Variants in EYS observed in about 807,000 individuals in gnomAD.
EYS encodes the protein protein eyes shut homolog.
In EYS, 250 loss-of-function variants were observed where a neutral mutation model predicts 282.1. The observed-to-expected ratio is 0.89, with a 90% CI of 0.80 to 0.98. EYS has a LOEUF of 0.98. EYS is among the 50% of genes least tolerant of loss of function. The pLI is 0.00. For synonymous variants in EYS, 1,355 were observed against 1,282.9 expected (o/e 1.06, Z -1.20); for missense variants, 4,016 against 3,709.0 (o/e 1.08, Z -2.15).
chr6:64,964,595 C>T (rs897443909), intron 14 of EYS, among the ~76,000 whole-genome samples: 16 of 152,048 alleles, frequency 1.1e-4, no homozygotes, highest in Non-Finnish European at 8.8e-5. Flanking sequence ...GTGGCGGCAC[C>T]AGCAAGCAAT....
chr6:64,308,058 T>C (rs1769523749), intron 29 of EYS, among the ~76,000 whole-genome samples: 1 of 152,056 alleles, frequency 6.6e-6, no homozygotes, highest in Non-Finnish European at 1.5e-5. Flanking sequence ...GGCACTACAT[T>C]TTTCCATCTT....
chr6:63,959,670 T>C (rs1184346097), intron 35 of EYS, among the ~76,000 whole-genome samples: 1 of 152,232 alleles, frequency 6.6e-6, no homozygotes, highest in East Asian at 1.9e-4. Flanking sequence ...CACCATGGAA[T>C]ACTATGCAGC....
intron 12 of EYS, among the ~76,000 whole-genome samples, chr6:65,264,344 T>C (rs555013069): frequency 3.7e-4 from 56 of 152,266 alleles, no homozygotes; most frequent in African/African-American, 1.3e-3. Flanking sequence ...TTTTCAAAAT[T>C]GTAACTACAT....
At chr6:65,367,011 C>A (rs1213186096) in intron 8 of EYS, among the ~76,000 whole-genome samples, 1 of 151,522 alleles carries the variant, frequency 6.6e-6, no homozygotes, top group African/African-American at 2.4e-5. Flanking sequence ...CTCTTTATCT[C>A]AAGATACTTA....
chr6:65,326,341 G>A (rs1769620356), intron 11 of EYS, among the ~76,000 whole-genome samples: 1 of 151,392 alleles, frequency 6.6e-6, no homozygotes, highest in African/African-American at 2.4e-5. Context: ...TTTAAATGGT[G>A]TAATTTTTTT....
chr6:65,478,080 G>T (rs1046058828), intron 5 of EYS, among the ~76,000 whole-genome samples: 2 of 152,010 alleles, frequency 1.3e-5, no homozygotes, highest in Non-Finnish European at 2.9e-5. Flanking sequence ...AATTTGAATC[G>T]ATCACAGGCT....
chr6:64,652,429 A>G (rs1768596344), intron 22 of EYS, among the ~76,000 whole-genome samples: 1 of 152,172 alleles, frequency 6.6e-6, no homozygotes, highest in Non-Finnish European at 1.5e-5. Flanking sequence ...AAGAGCTGAA[A>G]GTATTTTCTA....
intron 16 of EYS, among the ~76,000 whole-genome samples, chr6:64,908,800 A>T (rs1767907034): frequency 6.6e-6 from 1 of 152,034 alleles, no homozygotes; most frequent in Non-Finnish European, 1.5e-5. Context: ...AGTTAAAGTG[A>T]AGACAAGACT....
chr6:65,202,589 G>T (rs536924094), intron 12 of EYS, among the ~76,000 whole-genome samples: 35 of 152,240 alleles, frequency 2.3e-4, no homozygotes, highest in African/African-American at 7.7e-4. Flanking sequence ...TCCAGCAGGG[G>T]AGGAGTCCAC....
chr6:64,657,368 TTG>T (rs2149883699), intron 22 of EYS, among the ~76,000 whole-genome samples: 1 of 152,340 alleles, frequency 6.6e-6, no homozygotes, highest in South Asian at 2.1e-4. Context: ...AGGCTTAATA[TTG>T]TTACGTGTGA....
At chr6:65,006,946 G>A (rs893660139) in intron 13 of EYS, among the ~76,000 whole-genome samples, 4 of 152,168 alleles carry the variant, frequency 2.6e-5, no homozygotes, top group African/African-American at 7.2e-5. Flanking sequence ...AAGAACTGTT[G>A]TTTACAAGAA....
At position 64,634,641 on chromosome 6, in the gene EYS, A is replaced by C. The variant is rs796635211; in HGVS notation, c.3444-8396T>G. Among the ~76,000 whole-genome samples the C allele has an allele frequency of 2.6e-5, 4 of 152,076 alleles. No homozygotes were observed. The East Asian group carries it at 7.8e-4, about 30-fold the overall frequency. On this transcript the variant is annotated intron_variant, in intron 22 of 42. Coordinates refer to ENST00000503581, the MANE Select transcript of EYS (RefSeq NM_001142800.2). ...TTGGGAACTGTCCAGCACAGCTGGG[A>C]TGAGATGAAAAGCATTAAAAACAAC... is the stretch of plus-strand genomic sequence containing the variant.
chr6:63,985,825 G>A (rs1242647441), intron 34 of EYS, among the ~76,000 whole-genome samples: 1 of 151,742 alleles, frequency 6.6e-6, no homozygotes, highest in Non-Finnish European at 1.5e-5. Flanking sequence ...AAAAACCCTG[G>A]AAGACAATCT....
intron 29 of EYS, among the ~76,000 whole-genome samples, chr6:64,360,789 A>T (rs1010815923): frequency 2.6e-4 from 40 of 151,874 alleles, no homozygotes; most frequent in African/African-American, 9.4e-4. Context: ...TACTCATAAA[A>T]TGTACTAGCT....
At chr6:65,290,629 T>C (rs550923547) in intron 12 of EYS, among the ~76,000 whole-genome samples, 1 of 151,458 alleles carries the variant, frequency 6.6e-6, no homozygotes, top group South Asian at 2.1e-4. Context: ...GAGTCAGAAA[T>C]ACTTTCCATA....
At position 64,836,347 on chromosome 6, in the gene EYS, A is replaced by G. The variant is rs532727377; in HGVS notation, c.2993-13525T>C. On this transcript the variant is annotated intron_variant, in intron 19 of 42. Transcript: ENST00000503581. The stretch of plus-strand genomic sequence containing the variant: ...TATATGGCAATGTATTCTTCCATGA[A>G]TAATATATACAGTAATCTAATTTCA... 5.0e-4 allele frequency among the ~76,000 whole-genome samples: 76 copies of G among 151,240 alleles called. 1 individual carries two copies. The highest frequency in any genetic ancestry group is 1.8e-3 in the African/African-American group (73 of 41,424).
At chr6:64,360,230 C>A (rs868494699) in intron 29 of EYS, among the ~76,000 whole-genome samples, 22 of 151,726 alleles carry the variant, frequency 1.4e-4, no homozygotes, top group African/African-American at 5.1e-4. Context: ...GGAAACAGAT[C>A]TTCAATTTGT....
intron 13 of EYS, among the ~76,000 whole-genome samples, chr6:65,056,424 C>G (rs1337823997): frequency 6.6e-6 from 1 of 151,900 alleles, no homozygotes; most frequent in Non-Finnish European, 1.5e-5. Flanking sequence ...GAAACCCTGT[C>G]TCTACAAAAA....
At chr6:64,620,968 T>C (rs1056754933) in intron 23 of EYS, among the ~76,000 whole-genome samples, 3 of 152,096 alleles carry the variant, frequency 2.0e-5, no homozygotes, top group Non-Finnish European at 4.4e-5. Flanking sequence ...TGGTGCAAAA[T>C]AAAGACAACT....
Sources: allele counts gnomAD v4.1 joint callset (sites outside exome capture counted in the v4.1 genomes callset), GRCh38; gene constraint gnomAD v4.1.1; transcripts MANE v1.5; gene names NCBI Gene and HGNC (gene_info 2026-07-23, HGNC 2026-07-21).